Variants in TTYH2 observed in about 807,000 individuals in gnomAD.
TTYH2 encodes protein tweety homolog 2.
Under a neutral mutation model 68.3 loss-of-function variants are expected in TTYH2, and 49 were observed. That is an observed-to-expected ratio of 0.72 (90% CI 0.57 to 0.91). The LOEUF is 0.91. TTYH2 is among the 40% of genes least tolerant of loss of function. TTYH2 has a pLI of 0.00. For missense variants in TTYH2, 631 were observed against 700.4 expected, an observed-to-expected ratio of 0.90 and a Z score of 1.12; for synonymous variants, 272 against 300.8, an observed-to-expected ratio of 0.90 and a Z score of 0.99.
intron 4 of TTYH2, among the ~76,000 whole-genome samples, chr17:74,238,810 T>C (rs937809535): frequency 3.3e-5 from 5 of 149,988 alleles, no homozygotes; most frequent in African/African-American, 9.9e-5. Context: ...GAGGTTGCAG[T>C]GAGCCAAGAT....
chr17:74,242,594 C>T (rs550355499), intron 4 of TTYH2, among the ~76,000 whole-genome samples: 3 of 152,222 alleles, frequency 2.0e-5, no homozygotes, highest in Admixed American at 6.5e-5. Flanking sequence ...GGTTTCACCA[C>T]GTTGGCCAGG....
rs530818154 is a variant in TTYH2 at position 74,260,536 on chromosome 17, G to C, written c.*327G>C. 93 of 370,882 alleles carry C rather than the reference G, an allele frequency of 2.5e-4. 1 individual carries two copies. The highest frequency in any genetic ancestry group is 2.5e-3 in the South Asian group (88 of 35,198). 23.0% of individuals were successfully genotyped at this position (370,882 alleles called of 1,614,324 possible). A position where few individuals can be genotyped will look rare whatever the true frequency, so the allele number is the denominator to read the frequency against. On this transcript the variant is annotated 3_prime_UTR_variant, in exon 14 of 14. Coordinates refer to ENST00000269346, the MANE Select transcript of TTYH2 (RefSeq NM_032646.6). The stretch of plus-strand genomic sequence containing the variant: ...GCCAGGAGGGGAGTGGCAGTGAGGA[G>C]GGGGCCAGGTCAGGCACCACCATCA...
chr17:74,215,423 C>T lies in TTYH2; in HGVS notation c.129+1707C>T, dbSNP rs915016562. On this transcript the variant is annotated intron_variant, in intron 1 of 13. Coordinates refer to ENST00000269346, the MANE Select transcript of TTYH2 (RefSeq NM_032646.6). The surrounding 1 kb of genome is among the most constrained non-coding windows in gnomAD (Gnocchi z 4.3). ...GGATCCTGGGCCTGCCCACAGCCCCCTCAGTCCCATGGGCAGGTGGCAGTT... is the reference window on the plus strand; with the variant it reads ...GGATCCTGGGCCTGCCCACAGCCCCTTCAGTCCCATGGGCAGGTGGCAGTT... Among the ~76,000 whole-genome samples, 3 of 152,204 alleles carry T rather than the reference C, an allele frequency of 2.0e-5. No homozygotes were observed. The highest frequency in any genetic ancestry group is 7.2e-5 in the African/African-American group (3 of 41,464).
chr17:74,259,835 C>A (rs557505581), intron 13 of TTYH2, among the ~76,000 whole-genome samples: 1 of 152,320 alleles, frequency 6.6e-6, no homozygotes, highest in South Asian at 2.1e-4. Flanking sequence ...CTGCTGGCTG[C>A]TGACTGCTCC....
In TTYH2 at chr17:74,249,395, A is replaced by G; in HGVS notation, c.926A>G (p.Gln309Arg). 2 of 1,613,894 alleles carry G rather than the reference A, an allele frequency of 1.2e-6. No individual in the cohort carries two copies. The highest frequency in any genetic ancestry group is 1.7e-6 in the Non-Finnish European group (2 of 1,180,002). Residue 309 changes from glutamine (Q) to arginine (R), a missense_variant, in exon 8 of 14, where the codon CAG (glutamine) becomes CGG (arginine). Physicochemically the swap from Gln to Arg is conservative, Grantham distance 43 (BLOSUM62 1). Transcript: ENST00000269346. ...YCSQSGSSPFQQTLTTFQRAL... is the reference protein window; with the variant it reads ...YCSQSGSSPFRQTLTTFQRAL... ...AGCCAGAGTGGAAGCAGCCCCTTCC[A>G]GCAGGTATGGCCCCCCGAGGCCTGC...
chr17:74,214,392 A>AC lies in TTYH2; in HGVS notation c.129+681dup, dbSNP rs1198933831. 1.3e-5 allele frequency among the ~76,000 whole-genome samples: 2 copies of AC among 150,846 alleles called. No individual in the cohort carries two copies. The highest frequency in any genetic ancestry group is 6.6e-5 in the Admixed American group (1 of 15,168). Reference sequence around the variant, plus strand: ...CCCATCTCACACTGTTGTCCTGAGGACCCCCTTGCATTGACAGTCAGCTTC... The same window carrying AC: ...CCCATCTCACACTGTTGTCCTGAGGACCCCCCTTGCATTGACAGTCAGCTTC... On this transcript the variant is annotated intron_variant, in intron 1 of 13. Coordinates refer to ENST00000269346, the MANE Select transcript of TTYH2 (RefSeq NM_032646.6). This position sits in a 1 kb window ranked among gnomAD's most constrained non-coding sequence, Gnocchi z 4.6.
In TTYH2 at chr17:74,239,419, C is replaced by T. The variant is rs56066408; in HGVS notation, c.635+1905C>T. 0.15 allele frequency among the ~76,000 whole-genome samples: 22,919 copies of T among 152,188 alleles called. 1,772 individuals are homozygous for T. Among genetic ancestry groups the T allele is most frequent in the Non-Finnish European group, 0.16 (10,671 of 68,006 alleles). On this transcript the variant is annotated intron_variant, in intron 4 of 13. Coordinates refer to ENST00000269346, the MANE Select transcript of TTYH2 (RefSeq NM_032646.6). The surrounding 1 kb of genome is among the most constrained non-coding windows in gnomAD (Gnocchi z 5.3). Reference sequence around the variant, plus strand: ...TCCCCGCACCCTCCATTTGTTGGCTCCTCTTCAAGCCATTGATGAACGTCA... The same window carrying T: ...TCCCCGCACCCTCCATTTGTTGGCTTCTCTTCAAGCCATTGATGAACGTCA...
At chr17:74,244,855 A>AGTGTGTGTGTGTGTGTGTGT (rs58119512) in intron 6 of TTYH2, among the ~76,000 whole-genome samples, 86 of 149,924 alleles carry the variant, frequency 5.7e-4, no homozygotes, top group African/African-American at 1.9e-3. Flanking sequence ...GTGGAGGTGC[A>AGTGTGTGTGTGTGTGTGTGT]GTGTGTGTGT....
At chr17:74,228,024 C>A (rs2143731564) in intron 2 of TTYH2, among the ~76,000 whole-genome samples, 1 of 137,440 alleles carries the variant, frequency 7.3e-6, no homozygotes, top group South Asian at 2.2e-4. Flanking sequence ...TGCTCTGTCT[C>A]CCAGGCTGGA....
chr17:74,253,810 G>T lies in TTYH2; in HGVS notation c.1501G>T (p.Gly501Trp). 6.2e-7 allele frequency: 1 copy of T among 1,614,184 alleles called. No homozygotes were observed. The highest frequency in any genetic ancestry group is 8.5e-7 in the Non-Finnish European group (1 of 1,180,020). The change falls in exon 13 of 14, where the codon GGG (glycine) becomes TGG (tryptophan). Residue 501 changes from glycine to tryptophan, a missense_variant. By Grantham distance (184) the Gly-to-Trp change is radical. Transcript: ENST00000269346. ...NPRYENVPLI[G>W]RASPPPTYSP... ...ACGCTACGAGAACGTGCCACTAATC[G>T]GGAGAGCCTCCCCTCCGCCTACGGT...
At chr17:74,229,674 T>C (rs1478752681) in intron 2 of TTYH2, among the ~76,000 whole-genome samples, 1 of 152,224 alleles carries the variant, frequency 6.6e-6, no homozygotes, top group East Asian at 1.9e-4. Flanking sequence ...AATGAAATAT[T>C]ATTCAGCACT....
rs1204280896 is a variant in TTYH2 at position 74,241,042 on chromosome 17, C to CT, written c.636-2331dup. ...ATTTCGAGAGGTGCCCTGTAGCTGG[C>CT]TGTGTCCCTTGCAGGAAGCTTGATG... On this transcript the variant is annotated intron_variant, in intron 4 of 13. Coordinates refer to ENST00000269346, the MANE Select transcript of TTYH2 (RefSeq NM_032646.6). The surrounding 1 kb of genome is among the most constrained non-coding windows in gnomAD (Gnocchi z 4.1). The CT allele has an allele frequency of 6.6e-6, 1 of 152,268 alleles. No individual in the cohort carries two copies. The highest frequency in any genetic ancestry group is 1.9e-4 in the East Asian group (1 of 5,184). 9.4% of individuals were successfully genotyped at this position (152,268 alleles called of 1,614,324 possible).
chr17:74,238,883 A>AT lies in TTYH2; in HGVS notation c.635+1378dup, dbSNP rs1292887192. Among the ~76,000 whole-genome samples, 73 of 134,442 alleles carry AT rather than the reference A, an allele frequency of 5.4e-4. No homozygotes were observed. The Middle Eastern group carries it at 0.019, about 34-fold the overall frequency. The allele number at this position is 134,442 out of a possible 152,430, so 88.2% of individuals were successfully genotyped here. The stretch of plus-strand genomic sequence containing the variant: ...ACTCCATCTCAAAAAAAAAAAAAAA[A>AT]TTTTTTTTTAGAAATAGGGGTCTTG... On this transcript the variant is annotated intron_variant, in intron 4 of 13. Transcript: ENST00000269346.
intron 4 of TTYH2, among the ~76,000 whole-genome samples, chr17:74,242,766 G>T (rs1469838505): frequency 6.6e-6 from 1 of 152,154 alleles, no homozygotes; most frequent in African/African-American, 2.4e-5. Context: ...GAGCCAGGCT[G>T]AGTGTTTGTC....
rs770573204 is a variant in TTYH2, at chr17:74,237,455, G to C, written c.576G>C (p.Arg192Ser). The C allele has an allele frequency of 6.2e-7, 1 of 1,614,036 alleles. No homozygotes were observed. Among genetic ancestry groups the C allele is most frequent in the South Asian group, 1.1e-5 (1 of 91,078 alleles). ...AGCTCTCAGGACTGCCCGTGTGGAGGGAGGTCACCATGGAGCTGACCAAGC... is the reference window on the plus strand; with the variant it reads ...AGCTCTCAGGACTGCCCGTGTGGAGCGAGGTCACCATGGAGCTGACCAAGC... ...VVQLSGLPVW[R>S]EVTMELTKLS... The change falls in exon 4 of 14, where the codon AGG becomes AGC. Residue 192 changes from arginine to serine, a missense_variant. Coordinates refer to ENST00000269346, the MANE Select transcript of TTYH2 (RefSeq NM_032646.6).
chr17:74,230,038 G>A (rs1421979654), intron 2 of TTYH2, among the ~76,000 whole-genome samples: 2 of 152,136 alleles, frequency 1.3e-5, no homozygotes, highest in East Asian at 1.9e-4. Flanking sequence ...GGCTGAGGCA[G>A]GAGAATCACT....
chr17:74,222,575 C>T lies in TTYH2; in HGVS notation c.220C>T (p.Arg74Trp), dbSNP rs759596181. 43 of 1,612,482 alleles carry T rather than the reference C, an allele frequency of 2.7e-5. No individual in the cohort carries two copies. The highest frequency in any genetic ancestry group is 1.2e-4 in the Admixed American group (7 of 60,008). ...TTACCTGGTCTGTGCATGCCACTGC[C>T]GGCGGGACGATGCGGTGCAGACCAA... ...VAYLVCACHC[R>W]RDDAVQTKQH... Residue 74 changes from arginine (R) to tryptophan (W), a missense_variant, in exon 2 of 14, where the codon CGG becomes TGG. Physicochemically the swap from Arg to Trp is moderately radical, Grantham distance 101 (BLOSUM62 -3). Coordinates refer to ENST00000269346, the MANE Select transcript of TTYH2 (RefSeq NM_032646.6). This position sits in a 1 kb window ranked among gnomAD's most constrained non-coding sequence, Gnocchi z 5.2.
At chr17:74,216,461 C>T (rs1344209031) in intron 1 of TTYH2, among the ~76,000 whole-genome samples, 1 of 152,120 alleles carries the variant, frequency 6.6e-6, no homozygotes, top group Non-Finnish European at 1.5e-5. Context: ...AAGAGCAGGT[C>T]ACCTGGTGAG....
chr17:74,219,637 T>G lies in TTYH2; in HGVS notation c.130-2848T>G, dbSNP rs557485908. 9.3e-4 allele frequency among the ~76,000 whole-genome samples: 142 copies of G among 152,264 alleles called. 1 individual carries two copies. Among genetic ancestry groups the G allele is most frequent in the Non-Finnish European group, 1.7e-3 (118 of 68,026 alleles). ...CTGGCTACTCATGAGTATCTCTGAC[T>G]TTGAACTTCATATAAATTAATCCAT... is the stretch of plus-strand genomic sequence containing the variant. On this transcript the variant is annotated intron_variant, in intron 1 of 13. Coordinates refer to ENST00000269346, the MANE Select transcript of TTYH2 (RefSeq NM_032646.6).
Sources: gnomAD v4.1 joint callset for allele counts (sites outside exome capture counted in the v4.1 genomes callset) on GRCh38, gnomAD v4.1.1 for gene constraint, Gnocchi (gnomAD v3.1) non-coding constraint, MANE v1.5 for transcripts, NCBI Gene and HGNC (gene_info 2026-07-23, HGNC 2026-07-21) for gene names.